The following OR4K1 variants were observed in gnomAD, a reference collection of about 807,000 sequenced individuals.
OR4K1 encodes the protein olfactory receptor family 4 subfamily K member 1, also known as olfactory receptor 4K1.
Under a neutral mutation model 14.4 loss-of-function variants are expected in OR4K1, and 16 were observed. That is an observed-to-expected ratio of 1.11 (90% CI 0.75 to 1.68). The LOEUF (loss-of-function observed/expected upper bound fraction) is 1.68. OR4K1 is among the 40% of genes most tolerant of loss of function. The pLI, the probability that OR4K1 is intolerant of heterozygous loss-of-function variation, is 0.00. For missense variants in OR4K1, 548 were observed against 376.9 expected (o/e 1.45, Z -3.76); for synonymous variants, 181 against 133.1 (o/e 1.36, Z -2.48).
upstream of OR4K1, among the ~76,000 whole-genome samples, chr14:19,929,328 TATA>T (rs1332121653): frequency 6.7e-6 from 1 of 149,866 alleles, no homozygotes; most frequent in East Asian, 1.9e-4. Context: ...ATTAAAATAA[TATA>T]ATATGTGCAT....
the OR4K1 span, among the ~76,000 whole-genome samples, chr14:19,923,040 A>G: frequency 6.6e-6 from 1 of 152,264 alleles, no homozygotes; most frequent in Admixed American, 6.5e-5. Context: ...ATTAAAACAT[A>G]TATTGCTTTT....
the OR4K1 span, among the ~76,000 whole-genome samples, chr14:19,922,054 A>G: frequency 6.8e-6 from 1 of 146,560 alleles, no homozygotes; most frequent in Admixed American, 6.9e-5. Flanking sequence ...AGTGGAGATT[A>G]TTAGGTTATG....
intron 1 of OR4K1, among the ~76,000 whole-genome samples, chr14:19,934,202 G>C (rs760097734): frequency 6.6e-6 from 1 of 152,206 alleles, no homozygotes; most frequent in Non-Finnish European, 1.5e-5. Flanking sequence ...CAGAGCTAAG[G>C]TCAAAAATGT....
chr14:19,925,772 A>T, the OR4K1 span, among the ~76,000 whole-genome samples: 119 of 152,388 alleles, frequency 7.8e-4, 1 homozygote, highest in Non-Finnish European at 4.3e-4. Flanking sequence ...TGGGGAGAGT[A>T]CCCCAAAAGG....
chr14:19,922,749 C>T, the OR4K1 span, among the ~76,000 whole-genome samples: 3,377 of 150,860 alleles, frequency 0.022, no homozygotes, highest in South Asian at 0.042. Context: ...ACATAGACCT[C>T]TTCCGTCACT....
In OR4K1 at chr14:19,936,626, C is replaced by A. The variant is rs1297157688; in HGVS notation, c.*24C>A. The A allele has an allele frequency of 3.9e-6, 6 of 1,558,200 alleles. No homozygotes were observed. The highest frequency in any genetic ancestry group is 5.2e-6 in the Non-Finnish European group (6 of 1,151,834). The stretch of plus-strand genomic sequence containing the variant: ...AGGGATCATTACGAAGGAGCATAAT[C>A]CTGAATTAGAATGAAGACCCTCCAG... On this transcript the variant is annotated 3_prime_UTR_variant, in exon 2 of 2. Coordinates refer to ENST00000641172, the MANE Select transcript of OR4K1 (RefSeq NM_001004063.3).
At chr14:19,929,359 CTGTGTG>C (rs59130422), upstream of OR4K1, among the ~76,000 whole-genome samples, 9,877 of 143,962 alleles carry the variant, frequency 0.069, 69 homozygotes, top group East Asian at 0.17. Flanking sequence ...ATATCACACT[CTGTGTG>C]TGTGTGTGTG....
the OR4K1 span, among the ~76,000 whole-genome samples, chr14:19,925,204 A>G: frequency 6.6e-6 from 1 of 152,378 alleles, no homozygotes; most frequent in Non-Finnish European, 1.5e-5. Flanking sequence ...CAATTGAAAA[A>G]GTGTAAAGGA....
upstream of OR4K1, among the ~76,000 whole-genome samples, chr14:19,926,110 C>A (rs1450444463): frequency 1.3e-5 from 2 of 152,214 alleles, no homozygotes; most frequent in Non-Finnish European, 2.9e-5. Context: ...AAGATCCTTG[C>A]CATATTATAT....
In OR4K1 at chr14:19,936,211, C is replaced by G; in HGVS notation, c.545C>G (p.Pro182Arg). The G allele has an allele frequency of 1.2e-6, 2 of 1,614,192 alleles. No homozygotes were observed. The highest frequency in any genetic ancestry group is 8.5e-7 in the Non-Finnish European group (1 of 1,180,024). Residue 182 changes from proline (P) to arginine (R), a missense_variant, in exon 2 of 2, where the codon CCC becomes CGC. Pro to Arg is a moderately radical substitution (Grantham distance 103). Coordinates refer to ENST00000641172, the MANE Select transcript of OR4K1 (RefSeq NM_001004063.3). ...NEVDSFFCDL[P>R]LVIELACMDT... ...GTGGATAGCTTCTTTTGTGACCTTC[C>G]CTTGGTGATAGAGCTGGCTTGCATG...
rs564580528 is a variant in OR4K1 at position 19,935,778 on chromosome 14, T to A, written c.112T>A (p.Ser38Thr). Residue 38 changes from serine (S) to threonine (T), a missense_variant, in exon 2 of 2, where the codon TCA becomes ACA. Physicochemically the swap from Ser to Thr is moderately conservative, Grantham distance 58. Transcript: ENST00000641172. ...CATCTTCTCTATAGTCTATGTGACA[T>A]CAGTGCTAGGCAATGTCTTAATTAT... Reference protein sequence around the residue: ...FAIFSIVYVTSVLGNVLIIVI... With the variant: ...FAIFSIVYVTTVLGNVLIIVI... The A allele has an allele frequency of 6.2e-7, 1 of 1,614,178 alleles. No individual in the cohort carries two copies. Among genetic ancestry groups the A allele is most frequent in the South Asian group, 1.1e-5 (1 of 91,090 alleles).
chr14:19,932,296 C>T (rs1367231761), intron 1 of OR4K1, among the ~76,000 whole-genome samples: 1 of 152,008 alleles, frequency 6.6e-6, no homozygotes, highest in Admixed American at 6.6e-5. Context: ...GTTTCATTCT[C>T]TTTCTTCTTC....
upstream of OR4K1, among the ~76,000 whole-genome samples, chr14:19,929,785 C>T (rs956901196): frequency 1.4e-4 from 22 of 152,226 alleles, no homozygotes; most frequent in African/African-American, 5.1e-4. Flanking sequence ...CTTGTTGACA[C>T]TGGGTCTTCC....
the OR4K1 span, chr14:19,921,603 G>C: frequency 6.3e-7 from 1 of 1,585,256 alleles, no homozygotes; most frequent in East Asian, 2.2e-5. Context: ...AAATTCCTCA[G>C]GTCAATACAC....
chr14:19,928,261 G>A (rs1882103098), upstream of OR4K1, among the ~76,000 whole-genome samples: 1 of 152,116 alleles, frequency 6.6e-6, no homozygotes, highest in African/African-American at 2.4e-5. Flanking sequence ...ACAATTCTAG[G>A]ATTTACTATG....
At chr14:19,928,122 T>C (rs1882099486), upstream of OR4K1, among the ~76,000 whole-genome samples, 1 of 152,214 alleles carries the variant, frequency 6.6e-6, no homozygotes, top group Non-Finnish European at 1.5e-5. Context: ...TGACAGTTAA[T>C]TTGCAATTTT....
chr14:19,920,933 A>C, the OR4K1 span: 1 of 1,614,082 alleles, frequency 6.2e-7, no homozygotes, highest in Non-Finnish European at 8.5e-7. Flanking sequence ...TTTTTACTGG[A>C]GGGGAGATGG....
chr14:19,921,149 T>C, the OR4K1 span: 4 of 1,614,198 alleles, frequency 2.5e-6, no homozygotes, highest in Non-Finnish European at 3.4e-6. Context: ...TTTGTGATCT[T>C]CCTCGAGTCA....
chr14:19,924,673 G>A, the OR4K1 span, among the ~76,000 whole-genome samples: 1 of 152,162 alleles, frequency 6.6e-6, no homozygotes, highest in African/African-American at 2.4e-5. Flanking sequence ...AATACCATTT[G>A]ACCCAGCAAA....
Sources: gnomAD v4.1 joint callset for allele counts (sites outside exome capture counted in the v4.1 genomes callset) on GRCh38, gnomAD v4.1.1 for gene constraint, MANE v1.5 for transcripts, NCBI Gene and HGNC (gene_info 2026-07-23, HGNC 2026-07-21) for gene names.